The following SLC38A8 variants were observed in gnomAD, a reference collection of about 807,000 sequenced individuals.
SLC38A8 encodes solute carrier family 38 member 8.
Under a neutral mutation model 46.0 loss-of-function variants are expected in SLC38A8, and 65 were observed. The ratio of observed to expected loss-of-function variants is 1.41; its 90% CI spans 1.16 to 1.74. The LOEUF is 1.74. Ranked by LOEUF, SLC38A8 falls within the 40% of genes most tolerant of loss-of-function variation. SLC38A8 has a pLI of 0.00. For synonymous variants in SLC38A8, 447 were observed against 243.7 expected (o/e 1.83, Z -7.77); for missense variants, 998 against 567.9 (o/e 1.76, Z -7.70).
intron 7 of SLC38A8, among the ~76,000 whole-genome samples, chr16:84,018,883 A>G (rs1170493285): frequency 6.6e-6 from 1 of 152,150 alleles, no homozygotes; most frequent in Non-Finnish European, 1.5e-5. Context: ...TGGGTATAAA[A>G]CTAGCAGAAG....
chr16:84,032,281 C>T lies in SLC38A8; in HGVS notation c.531-313G>A, dbSNP rs142269134. Among the ~76,000 whole-genome samples, 1,153 of 152,252 alleles carry T rather than the reference C, an allele frequency of 7.6e-3. 12 individuals carry two copies. Among genetic ancestry groups the T allele is most frequent in the African/African-American group, 0.026 (1,086 of 41,540 alleles). On this transcript the variant is annotated intron_variant, in intron 4 of 10. Transcript: ENST00000299709. Reference sequence around the variant, plus strand: ...TTGGCTCACTGCAAACTCTGCCTCCCGGGTTCAAGCAATTCTCCTGCCTCA... The same window carrying T: ...TTGGCTCACTGCAAACTCTGCCTCCTGGGTTCAAGCAATTCTCCTGCCTCA...
Position 84,017,138 on chromosome 16 carries a change from A to C in SLC38A8, c.953+2T>G, listed in dbSNP as rs1178023478. On this transcript the variant is annotated splice_donor_variant, in intron 8 of 10. Transcript: ENST00000299709. LOFTEE classifies it high-confidence loss of function. Reference sequence around the variant, plus strand: ...GGTGCCCCCCACTGAGCCAGGCCTCACCTCCCCAGGAAGAGCACGATGGGG... The same window carrying C: ...GGTGCCCCCCACTGAGCCAGGCCTCCCCTCCCCAGGAAGAGCACGATGGGG... 15 of 1,613,704 alleles carry C rather than the reference A, an allele frequency of 9.3e-6. No homozygotes were observed. The highest frequency in any genetic ancestry group is 2.2e-5 in the East Asian group (1 of 44,870).
Position 84,033,433 on chromosome 16 carries a change from G to C in SLC38A8, c.425C>G (p.Pro142Arg). ...DSLLSGTPPA[P>R]QPWYADQRFT... ...GCGCTGGTCTGCGTACCACGGCTGC[G>C]GGGCGGGCGGGGTGCCAGACAGGAG... Residue 142 changes from proline (P) to arginine (R), a missense_variant, in exon 4 of 11, where the codon CCG becomes CGG. Coordinates refer to ENST00000299709, the MANE Select transcript of SLC38A8 (RefSeq NM_001080442.3). The C allele has an allele frequency of 1.9e-6, 3 of 1,611,128 alleles. No individual in the cohort carries two copies. The highest frequency in any genetic ancestry group is 2.5e-6 in the Non-Finnish European group (3 of 1,178,768).
intron 5 of SLC38A8, among the ~76,000 whole-genome samples, chr16:84,031,334 C>G (rs889635684): frequency 1.3e-5 from 2 of 152,232 alleles, no homozygotes; most frequent in Non-Finnish European, 2.9e-5. Context: ...AGCCACCACA[C>G]CCTACCTAGA....
At chr16:84,043,038 C>T (rs1043568986), upstream of SLC38A8, among the ~76,000 whole-genome samples, 1 of 152,146 alleles carries the variant, frequency 6.6e-6, no homozygotes, top group Non-Finnish European at 1.5e-5. Flanking sequence ...GTGAAAAGTG[C>T]CCTGAGCCCA....
intron 6 of SLC38A8, among the ~76,000 whole-genome samples, chr16:84,027,148 G>C (rs985159367): frequency 6.6e-6 from 1 of 152,076 alleles, no homozygotes; most frequent in Non-Finnish European, 1.5e-5. Context: ...TTAAGAGATC[G>C]AGACCAGCCT....
At chr16:84,043,005 G>C (rs980235504), upstream of SLC38A8, among the ~76,000 whole-genome samples, 1 of 152,088 alleles carries the variant, frequency 6.6e-6, no homozygotes, top group Non-Finnish European at 1.5e-5. Context: ...CCTCTCCAAG[G>C]TCCCCAGCCC....
chr16:84,034,539 C>T (rs574505795), intron 3 of SLC38A8, among the ~76,000 whole-genome samples: 6 of 152,240 alleles, frequency 3.9e-5, no homozygotes, highest in African/African-American at 9.6e-5. Context: ...GATGGGAGGC[C>T]GAGGAGCTTG....
intron 7 of SLC38A8, among the ~76,000 whole-genome samples, chr16:84,018,821 G>A (rs866813000): frequency 6.6e-6 from 1 of 152,172 alleles, no homozygotes; most frequent in African/African-American, 2.4e-5. Flanking sequence ...AGACAAAGGG[G>A]ATCTGGTCGG....
At chr16:84,019,172 T>G (rs2085067685) in intron 7 of SLC38A8, among the ~76,000 whole-genome samples, 1 of 152,062 alleles carries the variant, frequency 6.6e-6, no homozygotes, top group Non-Finnish European at 1.5e-5. Context: ...CCTTCCAGGT[T>G]CAAGCGATTA....
chr16:84,023,092 G>A (rs2085114896), intron 6 of SLC38A8, among the ~76,000 whole-genome samples: 2 of 151,874 alleles, frequency 1.3e-5, no homozygotes, highest in South Asian at 4.2e-4. Context: ...TTTGTTACAT[G>A]CCCAAACACG....
In SLC38A8 at chr16:84,036,898, G is replaced by A. The variant is rs755211190; in HGVS notation, c.192C>T (p.Val64=). 3.1e-6 allele frequency: 5 copies of A among 1,610,138 alleles called. No homozygotes were observed. The highest frequency in any genetic ancestry group is 1.3e-5 in the African/African-American group (1 of 74,822). Residue 64 remains valine (V), a splice_region_variant and synonymous_variant, in exon 3 of 11, where the codon GTC becomes GTT. Coordinates refer to ENST00000299709, the MANE Select transcript of SLC38A8 (RefSeq NM_001080442.3). The part of the protein sequence containing the change: ...GVVPAFLVEL[V]SLVFLISGLV... The stretch of plus-strand genomic sequence containing the variant: ...GCCCGCTGATCAGGAAGACCAACGA[G>A]ACCTGCGGAGAAGGAGCAGGACCTG...
In SLC38A8 at chr16:84,029,538, T is replaced by A; in HGVS notation, c.646A>T (p.Thr216Ser). 6.2e-7 allele frequency: 1 copy of A among 1,613,984 alleles called. No homozygotes were observed. Among genetic ancestry groups the A allele is most frequent in the Non-Finnish European group, 8.5e-7 (1 of 1,179,998 alleles). Residue 216 changes from threonine (T) to serine (S), a missense_variant, in exon 6 of 11, where the codon ACC becomes TCC. Coordinates refer to ENST00000299709, the MANE Select transcript of SLC38A8 (RefSeq NM_001080442.3). ...SHPSLSPASW[T>S]SVFSVFPTIC... The stretch of plus-strand genomic sequence containing the variant: ...GTGGGGAAGACACTGAACACAGAGG[T>A]CCAGGAGGCAGGGCTGTAAACAGAC...
chr16:84,024,216 G>T (rs1642129872), intron 6 of SLC38A8, among the ~76,000 whole-genome samples: 1 of 152,212 alleles, frequency 6.6e-6, no homozygotes, highest in South Asian at 2.1e-4. Context: ...GCAGGATGGT[G>T]GTTTGGGTAG....
At chr16:84,024,565 G>A (rs1286229227) in intron 6 of SLC38A8, among the ~76,000 whole-genome samples, 1 of 151,980 alleles carries the variant, frequency 6.6e-6, no homozygotes, top group African/African-American at 2.4e-5. Context: ...TGGATCACCT[G>A]AGGTCTGGAG....
At chr16:84,033,621 G>C (rs1456040088) in intron 3 of SLC38A8, 152 bp from the exon 4 acceptor site, 3 of 807,746 alleles carry the variant, frequency 3.7e-6, no homozygotes, top group East Asian at 2.9e-5. Context: ...GATGGAGACA[G>C]GTCACGTGCC....
At chr16:84,025,718 G>A (rs575258286) in intron 6 of SLC38A8, among the ~76,000 whole-genome samples, 12 of 152,178 alleles carry the variant, frequency 7.9e-5, no homozygotes, top group Non-Finnish European at 1.6e-4. Flanking sequence ...AAGGAAACAA[G>A]CCCAGCACAG....
At chr16:84,012,098 G>A (rs2084961442) in intron 10 of SLC38A8, among the ~76,000 whole-genome samples, 1 of 152,102 alleles carries the variant, frequency 6.6e-6, no homozygotes. Flanking sequence ...ATTCATTTCT[G>A]TTGCTTTAAG....
intron 2 of SLC38A8, among the ~76,000 whole-genome samples, chr16:84,039,288 A>T (rs1325508397): frequency 2.0e-5 from 3 of 152,218 alleles, no homozygotes; most frequent in African/African-American, 7.2e-5. Context: ...ATGTTATAGC[A>T]GCCCTAGGAA....
Sources: gnomAD v4.1 joint callset for allele counts (sites outside exome capture counted in the v4.1 genomes callset) on GRCh38, gnomAD v4.1.1 for gene constraint, MANE v1.5 for transcripts, NCBI Gene and HGNC (gene_info 2026-07-23, HGNC 2026-07-21) for gene names.